SEPTIN9: variants seen among roughly 807,000 people sequenced by gnomAD.
SEPTIN9 encodes the protein septin-9.
Under a neutral mutation model 56.6 loss-of-function variants are expected in SEPTIN9, and 13 were observed. That is an observed-to-expected ratio of 0.23 (90% CI 0.15 to 0.37). SEPTIN9 has a LOEUF of 0.37. Among genes scored for constraint, SEPTIN9 ranks in the 10% least tolerant of loss-of-function variants. The probability of loss-of-function intolerance (pLI) is 1.00; values close to 1 mark genes in which losing one functional copy is unlikely to be tolerated. For missense variants in SEPTIN9, 650 were observed against 823.1 expected (o/e 0.79, Z 2.57); for synonymous variants, 332 against 334.1 (o/e 0.99, Z 0.07).
At chr17:77,410,990 C>T (rs1279329947) in intron 3 of SEPTIN9, among the ~76,000 whole-genome samples, 3 of 151,668 alleles carry the variant, frequency 2.0e-5, no homozygotes, top group Admixed American at 6.6e-5. Context: ...GAGGCTGAGG[C>T]AGGAGAATCA....
At chr17:77,388,204 C>A (rs1380784785) in intron 2 of SEPTIN9, among the ~76,000 whole-genome samples, 2 of 152,168 alleles carry the variant, frequency 1.3e-5, no homozygotes, top group Non-Finnish European at 2.9e-5. Flanking sequence ...TTTCCCAATG[C>A]GTTGTCTCAG....
chr17:77,331,783 G>C (rs147676222), intron 2 of SEPTIN9, among the ~76,000 whole-genome samples: 2 of 152,212 alleles, frequency 1.3e-5, no homozygotes, highest in Admixed American at 6.5e-5. Context: ...CTCCTTCCCC[G>C]CACAGGCACG....
intron 3 of SEPTIN9, among the ~76,000 whole-genome samples, chr17:77,458,928 C>T (rs1277644499): frequency 2.6e-5 from 4 of 152,136 alleles, no homozygotes; most frequent in Admixed American, 6.5e-5. Flanking sequence ...ATAGGGGCAA[C>T]GGGAGAGATG....
intron 2 of SEPTIN9, among the ~76,000 whole-genome samples, chr17:77,386,410 A>G (rs2035339013): frequency 6.6e-6 from 1 of 152,192 alleles, no homozygotes; most frequent in African/African-American, 2.4e-5. Flanking sequence ...CAAGATGGGT[A>G]TCTGGGAGAT....
intron 3 of SEPTIN9, among the ~76,000 whole-genome samples, chr17:77,468,639 A>G (rs1375240995): frequency 6.6e-6 from 1 of 152,226 alleles, no homozygotes; most frequent in Non-Finnish European, 1.5e-5. Flanking sequence ...TTACTTGCTC[A>G]GGGTCACACA....
At chr17:77,460,468 T>A (rs1231121128) in intron 3 of SEPTIN9, among the ~76,000 whole-genome samples, 1 of 152,188 alleles carries the variant, frequency 6.6e-6, no homozygotes, top group Non-Finnish European at 1.5e-5. Context: ...CCTCTCCTTC[T>A]GGGTCCTATG....
chr17:77,447,234 C>T lies in SEPTIN9; in HGVS notation c.722-34910C>T, dbSNP rs56245353. On this transcript the variant is annotated intron_variant, in intron 3 of 11. Coordinates refer to ENST00000427177, the MANE Select transcript of SEPTIN9 (RefSeq NM_001113491.2). The stretch of plus-strand genomic sequence containing the variant: ...CGTGTGGAGTGCGTAGGCCTCCGGA[C>T]GGGCAGGAGTTGAAGGGGCGTGGAT... 216 of 166,934 alleles carry T rather than the reference C, an allele frequency of 1.3e-3. 1 individual carries two copies. The highest frequency in any genetic ancestry group is 4.2e-3 in the East Asian group (22 of 5,192). 10.3% of individuals were successfully genotyped at this position (166,934 alleles called of 1,614,324 possible).
At position 77,493,006 on chromosome 17, in the gene SEPTIN9, C is replaced by A; in HGVS notation, c.1503C>A (p.Gly501=). 6.4e-7 allele frequency: 1 copy of A among 1,568,730 alleles called. No individual in the cohort carries two copies. Residue 501 remains glycine, a synonymous_variant, in exon 10 of 12, where the codon GGC becomes GGA. Transcript: ENST00000427177. ...AGATGATCCCATTTGCTGTGGTGGG[C>A]AGTGACCACGAGTACCAGGTCAACG... ...FREMIPFAVV[G]SDHEYQVNGK...
At chr17:77,307,251 G>T (rs764444608) in intron 2 of SEPTIN9, 54 bp downstream of exon 2, 7 of 1,526,408 alleles carry the variant, frequency 4.6e-6, no homozygotes, top group Non-Finnish European at 6.3e-6. Flanking sequence ...TGTTTGTGCT[G>T]GGGTCCCTTC....
chr17:77,416,699 G>A lies in SEPTIN9; in HGVS notation c.721+13996G>A, dbSNP rs528485242. Among the ~76,000 whole-genome samples, 13 of 152,280 alleles carry A rather than the reference G, an allele frequency of 8.5e-5. No homozygotes were observed. The East Asian group carries it at 9.6e-4, about 11-fold the overall frequency. On this transcript the variant is annotated intron_variant, in intron 3 of 11. Coordinates refer to ENST00000427177, the MANE Select transcript of SEPTIN9 (RefSeq NM_001113491.2). The stretch of plus-strand genomic sequence containing the variant: ...CTTAGCCAGGCTTTGAAGAGCCACC[G>A]GGATACGGACAGCAGCCCTGCTGGG...
chr17:77,294,494 A>G (rs2031714968), intron 1 of SEPTIN9: 1 of 168,006 alleles, frequency 6.0e-6, no homozygotes, highest in Non-Finnish European at 1.3e-5. Context: ...GGTAGTTGGG[A>G]TGTATACAAA....
At chr17:77,497,619 C>CA (rs1481139128) in intron 11 of SEPTIN9, 1 of 580,930 alleles carries the variant, frequency 1.7e-6, no homozygotes, top group Non-Finnish European at 3.1e-6. Context: ...AGCTTTGATC[C>CA]ACTGTGGTCT....
chr17:77,386,277 G>T (rs1317597497), intron 2 of SEPTIN9, among the ~76,000 whole-genome samples: 1 of 152,178 alleles, frequency 6.6e-6, no homozygotes, highest in Non-Finnish European at 1.5e-5. Context: ...GTGGGTCCCT[G>T]TTGCTGCAAT....
chr17:77,487,991 T>C lies in SEPTIN9; in HGVS notation c.1043-249T>C, dbSNP rs364739. Among the ~76,000 whole-genome samples, 83,156 of 152,056 alleles carry C rather than the reference T, an allele frequency of 0.55. 23,881 individuals carry two copies. Among genetic ancestry groups the C allele is most frequent in the African/African-American group, 0.74 (30,490 of 41,480 alleles). ...GTGATGGGTCAGTGTCCCGGACCCC[T>C]GTGGGCCCCGTCACACTGAGCTCCC... On this transcript the variant is annotated intron_variant, in intron 5 of 11. Coordinates refer to ENST00000427177, the MANE Select transcript of SEPTIN9 (RefSeq NM_001113491.2). This position sits in a 1 kb window ranked among gnomAD's most constrained non-coding sequence, Gnocchi z 4.3.
chr17:77,296,672 G>A (rs900618589), intron 1 of SEPTIN9, among the ~76,000 whole-genome samples: 3 of 152,124 alleles, frequency 2.0e-5, no homozygotes, highest in African/African-American at 7.2e-5. Flanking sequence ...GGCTAACAGG[G>A]TGAAACCCCA....
rs554039762 is a variant in SEPTIN9 at position 77,309,525 on chromosome 17, C to A, written c.76+2328C>A. Among the ~76,000 whole-genome samples, 7 of 152,274 alleles carry A rather than the reference C, an allele frequency of 4.6e-5. No individual in the cohort carries two copies. In the South Asian group the frequency reaches 1.4e-3, roughly 32 times the overall value. On this transcript the variant is annotated intron_variant, in intron 2 of 11. Transcript: ENST00000427177. ...TCTCCGGCCTCCCCATTTGACACTC[C>A]CCAGACGACTGTCTGCCATCCCATC...
At chr17:77,397,712 C>T (rs752599881) in intron 2 of SEPTIN9, among the ~76,000 whole-genome samples, 1 of 151,986 alleles carries the variant, frequency 6.6e-6, no homozygotes, top group African/African-American at 2.4e-5. Flanking sequence ...TACTGTGGCA[C>T]GATCTGGGCT....
chr17:77,307,340 G>A (rs2032311557), intron 2 of SEPTIN9, 143 bp downstream of exon 2: 2 of 794,122 alleles, frequency 2.5e-6, no homozygotes, highest in Admixed American at 3.9e-5. Context: ...GGGAGACGCA[G>A]TCTTTGACGG....
chr17:77,413,194 C>T (rs888125693), intron 3 of SEPTIN9, among the ~76,000 whole-genome samples: 3 of 151,900 alleles, frequency 2.0e-5, no homozygotes, highest in African/African-American at 4.8e-5. Context: ...TTCTTTTACC[C>T]TCTGCCTTCT....
Sources: gnomAD v4.1 joint callset for allele counts (sites outside exome capture counted in the v4.1 genomes callset) on GRCh38, gnomAD v4.1.1 for gene constraint, Gnocchi (gnomAD v3.1) non-coding constraint, MANE v1.5 for transcripts, NCBI Gene and HGNC (gene_info 2026-07-23, HGNC 2026-07-21) for gene names.